Variants in SCFD2 observed in about 807,000 individuals in gnomAD.
The protein encoded by SCFD2 is sec1 family domain-containing protein 2.
In SCFD2, 54 loss-of-function variants were observed where a neutral mutation model predicts 58.9. The ratio of observed to expected loss-of-function variants is 0.92; its 90% confidence interval spans 0.74 to 1.15. The LOEUF is 1.15. Ranked by LOEUF, SCFD2 falls within the 50% of genes most tolerant of loss-of-function variation. The pLI, the probability that SCFD2 is intolerant of heterozygous loss-of-function variation, is 0.00. For synonymous variants in SCFD2, 321 were observed against 335.9 expected, an observed-to-expected ratio of 0.96 and a Z score of 0.49; for missense variants, 805 against 836.6, an observed-to-expected ratio of 0.96 and a Z score of 0.47.
chr4:53,118,998 A>G (rs73143409), intron 5 of SCFD2, among the ~76,000 whole-genome samples: 6,625 of 152,232 alleles, frequency 0.044, 506 homozygotes, highest in African/African-American at 0.15. Context: ...GAGGCCCAAC[A>G]TAAACATTTG....
chr4:52,985,930 CA>C (rs1236867094), intron 5 of SCFD2, among the ~76,000 whole-genome samples: 1 of 151,936 alleles, frequency 6.6e-6, no homozygotes, highest in African/African-American at 2.4e-5. Flanking sequence ...GGTATATGGA[CA>C]TTTTTTTTTA....
intron 7 of SCFD2, among the ~76,000 whole-genome samples, chr4:52,892,897 A>G (rs1718910601): frequency 6.6e-6 from 1 of 152,220 alleles, no homozygotes; most frequent in Non-Finnish European, 1.5e-5. Context: ...CAGACTGCCA[A>G]AATCAAGTTT....
At chr4:53,340,294 C>T (rs1733822233) in intron 2 of SCFD2, among the ~76,000 whole-genome samples, 1 of 152,198 alleles carries the variant, frequency 6.6e-6, no homozygotes, top group Non-Finnish European at 1.5e-5. Context: ...TTCTAGCAAA[C>T]GGCACACCAG....
At chr4:53,036,584 A>G (rs1722765825) in intron 5 of SCFD2, among the ~76,000 whole-genome samples, 2 of 151,990 alleles carry the variant, frequency 1.3e-5, no homozygotes, top group African/African-American at 4.8e-5. Flanking sequence ...TCAGCAAACT[A>G]TCACAAGAAC....
At chr4:53,242,664 A>G (rs1201172334) in intron 4 of SCFD2, among the ~76,000 whole-genome samples, 1 of 152,248 alleles carries the variant, frequency 6.6e-6, no homozygotes, top group Non-Finnish European at 1.5e-5. Flanking sequence ...AATTCAGAAT[A>G]TGAATAGATA....
At chr4:53,323,697 G>T (rs904250068) in intron 2 of SCFD2, among the ~76,000 whole-genome samples, 5 of 151,678 alleles carry the variant, frequency 3.3e-5, no homozygotes, top group Admixed American at 6.6e-5. Context: ...TTTCATTATA[G>T]TCAACCTGTA....
intron 5 of SCFD2, among the ~76,000 whole-genome samples, chr4:53,126,194 T>C (rs1475832677): frequency 6.6e-6 from 1 of 152,210 alleles, no homozygotes; most frequent in East Asian, 1.9e-4. Flanking sequence ...CTATTGACCC[T>C]TTGCCAGTAC....
chr4:52,933,692 A>C (rs1466660778), intron 5 of SCFD2, among the ~76,000 whole-genome samples: 1 of 152,224 alleles, frequency 6.6e-6, no homozygotes, highest in Non-Finnish European at 1.5e-5. Flanking sequence ...TTTCCCAGAA[A>C]CAGCAAGGGA....
At chr4:52,966,571 A>G (rs555092085) in intron 5 of SCFD2, among the ~76,000 whole-genome samples, 1 of 152,316 alleles carries the variant, frequency 6.6e-6, no homozygotes, top group East Asian at 1.9e-4. Context: ...GCAGCTCTTT[A>G]TCTGGTTCTT....
chr4:53,046,674 G>T lies in SCFD2; in HGVS notation c.1561+98659C>A, dbSNP rs532437035. On this transcript the variant is annotated intron_variant, in intron 5 of 8. Coordinates refer to ENST00000401642, the MANE Select transcript of SCFD2 (RefSeq NM_152540.4). ...AACAAAGCTACGTGTTTTTGTTGTT[G>T]TTTTTTTCTTTGAGACAGAGCCTTG... Among the ~76,000 whole-genome samples, 4 of 151,950 alleles carry T rather than the reference G, an allele frequency of 2.6e-5. No individual in the cohort carries two copies. The South Asian group carries it at 8.3e-4, about 32-fold the overall frequency.
At chr4:53,298,302 G>A (rs553909197) in intron 3 of SCFD2, among the ~76,000 whole-genome samples, 7 of 152,088 alleles carry the variant, frequency 4.6e-5, no homozygotes, top group Non-Finnish European at 7.4e-5. Context: ...GATTATATCC[G>A]GCACCTGGCT....
intron 5 of SCFD2, among the ~76,000 whole-genome samples, chr4:52,983,831 T>G (rs528086082): frequency 2.0e-5 from 3 of 152,336 alleles, no homozygotes; most frequent in African/African-American, 7.2e-5. Flanking sequence ...ACCTGGAATA[T>G]GGAAAAGAAA....
At chr4:52,971,155 A>C (rs895311122) in intron 5 of SCFD2, among the ~76,000 whole-genome samples, 1 of 152,218 alleles carries the variant, frequency 6.6e-6, no homozygotes, top group East Asian at 1.9e-4. Flanking sequence ...CAATGGAACA[A>C]AGCTGGATGG....
At chr4:52,970,321 A>G (rs1465241579) in intron 5 of SCFD2, among the ~76,000 whole-genome samples, 2 of 152,246 alleles carry the variant, frequency 1.3e-5, no homozygotes, top group Non-Finnish European at 2.9e-5. Context: ...TCCCACCCTA[A>G]TACTGCACTT....
intron 4 of SCFD2, among the ~76,000 whole-genome samples, chr4:53,214,838 A>G (rs1276834116): frequency 2.6e-5 from 4 of 152,130 alleles, no homozygotes; most frequent in Non-Finnish European, 4.4e-5. Flanking sequence ...TATAAGATGT[A>G]AGGAAGGGAT....
At chr4:53,018,306 A>G (rs1036753471) in intron 5 of SCFD2, among the ~76,000 whole-genome samples, 53 of 152,242 alleles carry the variant, frequency 3.5e-4, no homozygotes, top group African/African-American at 1.2e-3. Flanking sequence ...TAAATCTATT[A>G]TTCACAGATT....
chr4:53,236,559 T>C (rs1380238521), intron 4 of SCFD2, among the ~76,000 whole-genome samples: 1 of 150,488 alleles, frequency 6.6e-6, no homozygotes, highest in Non-Finnish European at 1.5e-5. Flanking sequence ...CTTCTTGTTA[T>C]ATAAAGTTAA....
intron 3 of SCFD2, among the ~76,000 whole-genome samples, chr4:53,276,385 T>A (rs1024194394): frequency 6.6e-6 from 1 of 152,166 alleles, no homozygotes; most frequent in African/African-American, 2.4e-5. Context: ...TGAGTGGAAA[T>A]CAGATACTTA....
chr4:53,316,853 T>C (rs1285831118), intron 2 of SCFD2, among the ~76,000 whole-genome samples: 1 of 152,184 alleles, frequency 6.6e-6, no homozygotes, highest in Non-Finnish European at 1.5e-5. Flanking sequence ...CTCACACCTG[T>C]AATTCCAGCA....
Sources: allele counts gnomAD v4.1 joint callset (sites outside exome capture counted in the v4.1 genomes callset), GRCh38; gene constraint gnomAD v4.1.1; transcripts MANE v1.5; gene names NCBI Gene and HGNC (gene_info 2026-07-23, HGNC 2026-07-21).